CORO1C: variants seen among roughly 807,000 people sequenced by gnomAD.
CORO1C encodes coronin 1C, also known as coronin-1C.
CORO1C carries 14 observed loss-of-function variants against 51.2 expected under a neutral mutation model. The observed-to-expected ratio is 0.27, with a 90% CI of 0.18 to 0.43. The LOEUF (loss-of-function observed/expected upper bound fraction) is 0.43. Ranked by LOEUF, CORO1C falls within the 20% of genes least tolerant of loss-of-function variation. The pLI, the probability that CORO1C is intolerant of heterozygous loss-of-function variation, is 1.00. For missense variants in CORO1C, 417 were observed against 607.8 expected, an observed-to-expected ratio of 0.69 and a Z score of 3.30; for synonymous variants, 181 against 210.5, an observed-to-expected ratio of 0.86 and a Z score of 1.21.
chr12:108,653,760 A>T (rs577990614), intron 7 of CORO1C, among the ~76,000 whole-genome samples: 1 of 152,326 alleles, frequency 6.6e-6, no homozygotes, highest in South Asian at 2.1e-4. Flanking sequence ...CCAGAGCCCT[A>T]GCACTGAACC....
chr12:108,712,549 GAAC>G (rs1326414238), intron 1 of CORO1C, among the ~76,000 whole-genome samples: 28 of 101,128 alleles, frequency 2.8e-4, no homozygotes, highest in Non-Finnish European at 2.5e-4. Flanking sequence ...ACCCCAGCCT[GAAC>G]AACAAGCGAA....
intron 1 of CORO1C, among the ~76,000 whole-genome samples, chr12:108,725,571 T>C (rs1323429063): frequency 6.6e-6 from 1 of 152,180 alleles, no homozygotes; most frequent in Non-Finnish European, 1.5e-5. Flanking sequence ...TATCTGGCCC[T>C]AAAGGCCTGC....
chr12:108,659,865 C>G (rs2033182931), intron 4 of CORO1C, among the ~76,000 whole-genome samples: 1 of 152,228 alleles, frequency 6.6e-6, no homozygotes, highest in South Asian at 2.1e-4. Flanking sequence ...GAAGCCCAAA[C>G]TGTAATCAAG....
chr12:108,654,451 A>G (rs769336505), intron 6 of CORO1C, 41 bp from the exon 7 acceptor site: 9 of 1,127,034 alleles, frequency 8.0e-6, no homozygotes, highest in Non-Finnish European at 1.2e-5. Flanking sequence ...GTGTATGTAT[A>G]CATTTTTTTA....
intron 2 of CORO1C, among the ~76,000 whole-genome samples, chr12:108,696,037 A>G (rs1401988483): frequency 1.3e-5 from 2 of 152,190 alleles, no homozygotes; most frequent in Non-Finnish European, 2.9e-5. Context: ...ACAGTTGTGT[A>G]TAAGAAAGTA....
At chr12:108,722,035 A>ACTAG (rs1424302847) in intron 1 of CORO1C, among the ~76,000 whole-genome samples, 1 of 152,206 alleles carries the variant, frequency 6.6e-6, no homozygotes, top group Non-Finnish European at 1.5e-5. Flanking sequence ...AGGTATCAGG[A>ACTAG]CTAGCCTCCT....
At chr12:108,696,377 TA>T (rs1565926886) in intron 2 of CORO1C, 1 of 142,774 alleles carries the variant, frequency 7.0e-6, no homozygotes, top group Non-Finnish European at 1.5e-5. Context: ...AGGCAGGATT[TA>T]CAGGCTTGTT....
intron 2 of CORO1C, among the ~76,000 whole-genome samples, chr12:108,695,851 T>TAAAAAAAAAAAAAAAAAAAAAAAAAAAA (rs924887183): frequency 1.6e-5 from 1 of 62,452 alleles, no homozygotes; most frequent in African/African-American, 5.5e-5. Flanking sequence ...TTGGGAGAAC[T>TAAAAAAAAAAAAAAAAAAAAAAAAAAAA]AAAAAAAAAA....
intron 2 of CORO1C, among the ~76,000 whole-genome samples, chr12:108,695,109 C>T (rs184000829): frequency 8.5e-5 from 13 of 152,290 alleles, no homozygotes; most frequent in African/African-American, 2.4e-4. Context: ...GATGGCTTTA[C>T]TAGGGCTGCA....
At position 108,662,128 on chromosome 12, in the gene CORO1C, G is replaced by A; in HGVS notation, c.349C>T (p.Leu117Phe). The change falls in exon 4 of 11, where the codon CTT becomes TTT. Residue 117 changes from leucine (L) to phenylalanine (F), a missense_variant. Physicochemically the swap from Leu to Phe is conservative, Grantham distance 22 (BLOSUM62 0). Transcript: ENST00000261401. ...ATCACCACAGGTTCAGTCAGGGAAA[G>A]GGTGAGTCCATTTTCTGGGATCTGC... is the stretch of plus-strand genomic sequence containing the variant. ...VWQIPENGLT[L>F]SLTEPVVILE... The A allele has an allele frequency of 6.2e-7, 1 of 1,613,860 alleles. No individual in the cohort carries two copies. The highest frequency in any genetic ancestry group is 8.5e-7 in the Non-Finnish European group (1 of 1,179,768).
At chr12:108,715,722 T>C (rs2035314631) in intron 1 of CORO1C, among the ~76,000 whole-genome samples, 1 of 139,620 alleles carries the variant, frequency 7.2e-6, no homozygotes, top group African/African-American at 2.6e-5. Flanking sequence ...AGAAGCTTAA[T>C]TCTGTGTCTC....
At position 108,647,274 on chromosome 12, in the gene CORO1C, C is replaced by T. The variant is rs1025342037; in HGVS notation, c.*129G>A. 1.2e-6 allele frequency: 1 copy of T among 842,064 alleles called. No homozygotes were observed. Among genetic ancestry groups the T allele is most frequent in the Non-Finnish European group, 1.8e-6 (1 of 565,686 alleles). 52.2% of individuals were successfully genotyped at this position (842,064 alleles called of 1,614,324 possible). On this transcript the variant is annotated 3_prime_UTR_variant, in exon 11 of 11. Transcript: ENST00000261401. Reference sequence around the variant, plus strand: ...TGGAATGTGGCCTATCGCTGGTTGACAAATCTGAAATGGAATGTCTCCAAA... The same window carrying T: ...TGGAATGTGGCCTATCGCTGGTTGATAAATCTGAAATGGAATGTCTCCAAA...
At chr12:108,683,057 A>G (rs1312118369) in intron 2 of CORO1C, among the ~76,000 whole-genome samples, 1 of 152,228 alleles carries the variant, frequency 6.6e-6, no homozygotes, top group Non-Finnish European at 1.5e-5. Flanking sequence ...AAAGACTGAA[A>G]ATTAATGCAT....
Position 108,660,356 on chromosome 12 carries a change from C to A in CORO1C, c.449-1437G>T, listed in dbSNP as rs554091583. On this transcript the variant is annotated intron_variant, in intron 4 of 10. Coordinates refer to ENST00000261401, the MANE Select transcript of CORO1C (RefSeq NM_014325.4). Reference sequence around the variant, plus strand: ...GTCCCAGCTACTTGGGAGGCTGAGGCAGGAGAATCGCTTGAACTCAGGAGG... The same window carrying A: ...GTCCCAGCTACTTGGGAGGCTGAGGAAGGAGAATCGCTTGAACTCAGGAGG... Among the ~76,000 whole-genome samples, 342 of 147,818 alleles carry A rather than the reference C, an allele frequency of 2.3e-3. 1 individual carries two copies. The highest frequency in any genetic ancestry group is 7.9e-3 in the African/African-American group (318 of 40,012).
chr12:108,658,613 T>G lies in CORO1C; in HGVS notation c.630+125A>C. On this transcript the variant is annotated intron_variant, in intron 5 of 10. Coordinates refer to ENST00000261401, the MANE Select transcript of CORO1C (RefSeq NM_014325.4). The surrounding 1 kb of genome is among the most constrained non-coding windows in gnomAD (Gnocchi z 4.9). Reference sequence around the variant, plus strand: ...AGAAGCCTTTATAAGCCTTCTCTTATTCACAGTTGGTGTCTACACACAACA... The same window carrying G: ...AGAAGCCTTTATAAGCCTTCTCTTAGTCACAGTTGGTGTCTACACACAACA... The G allele has an allele frequency of 1.2e-6, 1 of 814,542 alleles. No homozygotes were observed. Among genetic ancestry groups the G allele is most frequent in the Non-Finnish European group, 1.9e-6 (1 of 533,144 alleles). The allele number at this position is 814,542 out of a possible 1,614,324, so 50.5% of individuals were successfully genotyped here.
At chr12:108,722,529 C>G (rs1289327718) in intron 1 of CORO1C, among the ~76,000 whole-genome samples, 1 of 152,194 alleles carries the variant, frequency 6.6e-6, no homozygotes, top group Non-Finnish European at 1.5e-5. Flanking sequence ...TCCAGAATTC[C>G]ACTATCACCA....
chr12:108,710,256 C>T (rs2035141482), intron 1 of CORO1C, among the ~76,000 whole-genome samples: 1 of 152,154 alleles, frequency 6.6e-6, no homozygotes, highest in South Asian at 2.1e-4. Flanking sequence ...ATCTTAGAAA[C>T]ATGGACAGTT....
At chr12:108,647,738 TGTGTCACA>T (rs2032433240) in intron 10 of CORO1C, among the ~76,000 whole-genome samples, 1 of 152,218 alleles carries the variant, frequency 6.6e-6, no homozygotes, top group Admixed American at 6.5e-5. Flanking sequence ...AAAACAACAG[TGTGTCACA>T]GTGTCACAGT....
At chr12:108,706,478 A>T (rs2035035751) in intron 1 of CORO1C, among the ~76,000 whole-genome samples, 1 of 152,260 alleles carries the variant, frequency 6.6e-6, no homozygotes, top group Non-Finnish European at 1.5e-5. Context: ...TTGGAAAGAA[A>T]GAAGTAAAAC....
Sources: allele counts gnomAD v4.1 joint callset (sites outside exome capture counted in the v4.1 genomes callset), GRCh38; gene constraint gnomAD v4.1.1; non-coding constraint Gnocchi (gnomAD v3.1); transcripts MANE v1.5; gene names NCBI Gene and HGNC (gene_info 2026-07-23, HGNC 2026-07-21).